Variants in BANF1 observed in about 807,000 individuals in gnomAD.
BANF1 encodes the protein barrier-to-autointegration factor.
For missense variants in BANF1, 47 were observed against 110.4 expected (o/e 0.43, Z 2.57); for synonymous variants, 49 against 43.7 (o/e 1.12, Z -0.48).
chr11:66,003,471 TGCCAGAGCCTGGGCACCTG>T, intron 2 of BANF1, 98 bp downstream of exon 2: 1 of 1,608,294 alleles, frequency 6.2e-7, no homozygotes, highest in Non-Finnish European at 8.5e-7. Context: ...CTGAAGAGGC[TGCCAGAGCCTGGGCACCTG>T]GTGGAGAGGA....
intron 2 of BANF1, 52 bp from the exon 3 acceptor site, chr11:66,003,574 A>ATCTC: frequency 6.3e-7 from 1 of 1,585,878 alleles, no homozygotes; most frequent in African/African-American, 1.4e-5. Flanking sequence ...TCTTGCTCTT[A>ATCTC]TCTCTCACTG....
Position 66,003,376 on chromosome 11 carries a change from G to A in BANF1, c.123+3G>A, listed in dbSNP as rs990758228. ...TGGAGGAAAGGGGTTTTGACAAGGT[G>A]TGGGGTGGCTGCGTGTACCTAGTGC... On this transcript the variant is annotated splice_donor_region_variant and intron_variant, in intron 2 of 2. Transcript: ENST00000312175. 7 of 1,613,886 alleles carry A rather than the reference G, an allele frequency of 4.3e-6. No homozygotes were observed. Among genetic ancestry groups the A allele is most frequent in the Non-Finnish European group, 5.9e-6 (7 of 1,179,886 alleles).
At chr11:66,003,493 G>A in intron 2 of BANF1, 120 bp downstream of exon 2, 8 of 1,607,940 alleles carry the variant, frequency 5.0e-6, no homozygotes, top group Non-Finnish European at 6.8e-6. Flanking sequence ...GGCACCTGGT[G>A]GAGAGGAGAG....
chr11:66,003,556 A>T (rs930592450), intron 2 of BANF1, 70 bp from the exon 3 acceptor site: 16 of 1,610,742 alleles, frequency 9.9e-6, no homozygotes, highest in Non-Finnish European at 5.9e-6. Flanking sequence ...ATGGCACAGG[A>T]ATGGCTGTCT....
Position 66,002,776 on chromosome 11 carries a change from C to T in BANF1, c.-17+206C>T, listed in dbSNP as rs1217353394. 11 of 159,124 alleles carry T rather than the reference C, an allele frequency of 6.9e-5. No individual in the cohort carries two copies. The East Asian group carries it at 2.0e-3, about 30-fold the overall frequency. The allele number at this position is 159,124 out of a possible 1,614,324, so 9.9% of individuals were successfully genotyped here. A position where few individuals can be genotyped will look rare whatever the true frequency, so the allele number is the denominator to read the frequency against. On this transcript the variant is annotated intron_variant, in intron 1 of 2. Coordinates refer to ENST00000312175, the MANE Select transcript of BANF1 (RefSeq NM_003860.4). ...GCGCGGTGGGGGCGGAGCTGGGGCG[C>T]GGCGTGAACCCCGCGGGCGGGGAGC...
In BANF1 at chr11:66,003,247, C is replaced by G; in HGVS notation, c.-4C>G. ...TTGGGATTCCTAGATTAAGCCTGAT[C>G]AAGATGACAACCTCCCAAAAGCACC... On this transcript the variant is annotated 5_prime_UTR_variant, in exon 2 of 3. It adds an upstream start codon to the 5' untranslated region. Transcript: ENST00000312175. 1 of 1,613,034 alleles carries G rather than the reference C, an allele frequency of 6.2e-7. No homozygotes were observed. The highest frequency in any genetic ancestry group is 2.2e-5 in the East Asian group (1 of 44,854).
In BANF1 at chr11:66,003,932, C is replaced by T; in HGVS notation, c.*160C>T. 9.7e-7 allele frequency: 1 copy of T among 1,034,062 alleles called. No individual in the cohort carries two copies. The highest frequency in any genetic ancestry group is 1.4e-6 in the Non-Finnish European group (1 of 710,798). 64.1% of individuals were successfully genotyped at this position (1,034,062 alleles called of 1,614,324 possible). On this transcript the variant is annotated 3_prime_UTR_variant, in exon 3 of 3. Coordinates refer to ENST00000312175, the MANE Select transcript of BANF1 (RefSeq NM_003860.4). ...GAGTTTTCTCCCCTAACCATTTCAACTTTTTTTTGGATTCTCGCTCTTGCA... is the reference window on the plus strand; with the variant it reads ...GAGTTTTCTCCCCTAACCATTTCAATTTTTTTTTGGATTCTCGCTCTTGCA...
In BANF1 at chr11:66,003,232, T is replaced by C. The variant is rs373365292; in HGVS notation, c.-16-3T>C. Reference sequence around the variant, plus strand: ...TAATCTGCCTTTTTTTTGGGATTCCTAGATTAAGCCTGATCAAGATGACAA... The same window carrying C: ...TAATCTGCCTTTTTTTTGGGATTCCCAGATTAAGCCTGATCAAGATGACAA... On this transcript the variant is annotated splice_polypyrimidine_tract_variant and splice_region_variant and intron_variant, in intron 1 of 2. Coordinates refer to ENST00000312175, the MANE Select transcript of BANF1 (RefSeq NM_003860.4). The C allele has an allele frequency of 2.6e-5, 42 of 1,612,522 alleles. No individual in the cohort carries two copies. In the African/African-American group the frequency reaches 5.3e-4, roughly 21 times the overall value.
At chr11:66,002,810 G>A in intron 1 of BANF1, 1 of 190,654 alleles carries the variant, frequency 5.2e-6, no homozygotes, top group Non-Finnish European at 1.1e-5. Flanking sequence ...GCGGGTGTGC[G>A]CAGCGCTAGG....
intron 1 of BANF1, chr11:66,002,953 T>A (rs1252621662): frequency 3.7e-5 from 16 of 429,810 alleles, no homozygotes; most frequent in Non-Finnish European, 4.3e-6. Flanking sequence ...CAGCCCTGGC[T>A]ACGGACTCTG....
chr11:66,003,009 G>A (rs1856040859), intron 1 of BANF1: 3 of 530,268 alleles, frequency 5.7e-6, no homozygotes, highest in Non-Finnish European at 1.0e-5. Flanking sequence ...AGGCAGGATC[G>A]TTTTTCCTCT....
intron 1 of BANF1, 40 bp from the exon 2 acceptor site, chr11:66,003,195 G>A: frequency 1.9e-6 from 3 of 1,609,012 alleles, no homozygotes; most frequent in South Asian, 2.2e-5. Context: ...AGAAGTTCCA[G>A]GTCTTCAGCC....
chr11:66,003,615 C>T lies in BANF1; in HGVS notation c.124-11C>T, dbSNP rs762137248. The T allele has an allele frequency of 6.2e-7, 1 of 1,614,112 alleles. No homozygotes were observed. On this transcript the variant is annotated splice_polypyrimidine_tract_variant and intron_variant, in intron 2 of 2. Coordinates refer to ENST00000312175, the MANE Select transcript of BANF1 (RefSeq NM_003860.4). Reference sequence around the variant, plus strand: ...TGAGCAGCACGCTCCTTCCTTTTCCCTGTTTTGCAGGCCTATGTTGTCCTT... The same window carrying T: ...TGAGCAGCACGCTCCTTCCTTTTCCTTGTTTTGCAGGCCTATGTTGTCCTT...
intron 1 of BANF1, chr11:66,002,955 C>G (rs1474929256): frequency 7.0e-6 from 3 of 431,248 alleles, no homozygotes; most frequent in Non-Finnish European, 1.3e-5. Context: ...GCCCTGGCTA[C>G]GGACTCTGGG....
At position 66,003,918 on chromosome 11, in the gene BANF1, C is replaced by T. The variant is rs535232397; in HGVS notation, c.*146C>T. Reference sequence around the variant, plus strand: ...CCGGGGTCTTTTGGGAGTTTTCTCCCCTAACCATTTCAACTTTTTTTTGGA... The same window carrying T: ...CCGGGGTCTTTTGGGAGTTTTCTCCTCTAACCATTTCAACTTTTTTTTGGA... On this transcript the variant is annotated 3_prime_UTR_variant, in exon 3 of 3. Coordinates refer to ENST00000312175, the MANE Select transcript of BANF1 (RefSeq NM_003860.4). 3 of 1,206,530 alleles carry T rather than the reference C, an allele frequency of 2.5e-6. No homozygotes were observed. Among genetic ancestry groups the T allele is most frequent in the Non-Finnish European group, 2.3e-6 (2 of 858,606 alleles). 74.7% of individuals were successfully genotyped at this position (1,206,530 alleles called of 1,614,324 possible).
In BANF1 at chr11:66,003,763, C is replaced by T. The variant is rs760622680; in HGVS notation, c.261C>T (p.Ala87=). 1.2e-6 allele frequency: 2 copies of T among 1,614,076 alleles called. No individual in the cohort carries two copies. Among genetic ancestry groups the T allele is most frequent in the Non-Finnish European group, 1.7e-6 (2 of 1,180,016 alleles). The change falls in exon 3 of 3, where the codon GCC becomes GCT. Residue 87 remains alanine, a synonymous_variant. Coordinates refer to ENST00000312175, the MANE Select transcript of BANF1 (RefSeq NM_003860.4). The part of the protein sequence containing the change: ...CFGCLREWCD[A]FL Reference sequence around the variant, plus strand: ...GATGCCTTCGAGAGTGGTGCGACGCCTTCTTGTGATGCTCTCTGGGAAGCT... The same window carrying T: ...GATGCCTTCGAGAGTGGTGCGACGCTTTCTTGTGATGCTCTCTGGGAAGCT...
intron 2 of BANF1, 124 bp from the exon 3 acceptor site, chr11:66,003,502 A>AGG: frequency 6.2e-7 from 1 of 1,608,244 alleles, no homozygotes; most frequent in South Asian, 1.1e-5. Context: ...TGGAGAGGAG[A>AGG]GGGGGGCAAA....
intron 2 of BANF1, 44 bp from the exon 3 acceptor site, chr11:66,003,582 C>T: frequency 2.1e-6 from 1 of 479,668 alleles, no homozygotes; most frequent in Non-Finnish European, 2.9e-6. Context: ...TTATCTCTCA[C>T]TGAGCACTGA....
rs201016838 is a variant in BANF1, at chr11:66,003,607, C to T, written c.124-19C>T. ...CTGAGCACTGAGCAGCACGCTCCTTCCTTTTCCCTGTTTTGCAGGCCTATG... is the reference window on the plus strand; with the variant it reads ...CTGAGCACTGAGCAGCACGCTCCTTTCTTTTCCCTGTTTTGCAGGCCTATG... On this transcript the variant is annotated intron_variant, in intron 2 of 2. Transcript: ENST00000312175. The T allele has an allele frequency of 1.3e-4, 210 of 1,614,106 alleles. No individual in the cohort carries two copies. Among genetic ancestry groups the T allele is most frequent in the Admixed American group, 2.2e-4 (13 of 60,030 alleles).
Sources: gnomAD v4.1 joint callset for allele counts on GRCh38, gnomAD v4.1.1 for gene constraint, MANE v1.5 for transcripts, NCBI Gene and HGNC (gene_info 2026-07-23, HGNC 2026-07-21) for gene names.